The following RSRC1 variants were observed in gnomAD, a reference collection of about 807,000 sequenced individuals.
The protein encoded by RSRC1 is serine/Arginine-related protein 53.
Under a neutral mutation model 49.1 loss-of-function variants are expected in RSRC1, and 39 were observed. That is an observed-to-expected ratio of 0.79 (90% CI 0.61 to 1.04). The LOEUF is 1.04. Ranked by LOEUF, RSRC1 falls within the 50% of genes least tolerant of loss-of-function variation. RSRC1 has a pLI of 0.00. For synonymous variants in RSRC1, 143 were observed against 130.8 expected, an observed-to-expected ratio of 1.09 and a Z score of -0.63; for missense variants, 388 against 402.4, an observed-to-expected ratio of 0.96 and a Z score of 0.31.
At chr3:158,127,638 CTG>C (rs1368166303) in intron 3 of RSRC1, among the ~76,000 whole-genome samples, 1 of 151,448 alleles carries the variant, frequency 6.6e-6, no homozygotes, top group Non-Finnish European at 1.5e-5. Flanking sequence ...TTTAAGACAA[CTG>C]TTTTTATTTC....
rs1721773493 is a variant in RSRC1, at chr3:158,213,101, A to G, written c.494+9856A>G. On this transcript the variant is annotated intron_variant, in intron 4 of 9. Transcript: ENST00000611884. The stretch of plus-strand genomic sequence containing the variant: ...TTATCCTCCTTTGATTAAATGGCAA[A>G]GATTGAAGAAACAGATATCTCTATG... Among the ~76,000 whole-genome samples, 4 of 152,082 alleles carry G rather than the reference A, an allele frequency of 2.6e-5. No individual in the cohort carries two copies. In the South Asian group the frequency reaches 8.3e-4, roughly 32 times the overall value.
At chr3:158,329,270 T>C (rs1371212895) in intron 5 of RSRC1, among the ~76,000 whole-genome samples, 1 of 152,266 alleles carries the variant, frequency 6.6e-6, no homozygotes, top group Non-Finnish European at 1.5e-5. Context: ...CTTTGTTCCA[T>C]TACTTGCGAG....
chr3:158,288,387 G>T (rs2108095974), intron 4 of RSRC1, among the ~76,000 whole-genome samples: 1 of 152,320 alleles, frequency 6.6e-6, no homozygotes, highest in Admixed American at 6.5e-5. Context: ...GGGTGACGGT[G>T]AATAGCTTGC....
chr3:158,245,272 G>A (rs188318023), intron 4 of RSRC1, among the ~76,000 whole-genome samples: 111 of 151,862 alleles, frequency 7.3e-4, no homozygotes, highest in Middle Eastern at 3.4e-3. Flanking sequence ...CCTTAATTTC[G>A]TTATGTACTC....
chr3:158,424,464 T>C (rs1224941072), intron 6 of RSRC1, among the ~76,000 whole-genome samples: 5 of 151,346 alleles, frequency 3.3e-5, no homozygotes, highest in Admixed American at 6.6e-5. Context: ...TTTGATGTGC[T>C]GCTGGATTCG....
At chr3:158,411,804 G>GT (rs1734478969) in intron 6 of RSRC1, among the ~76,000 whole-genome samples, 1 of 151,950 alleles carries the variant, frequency 6.6e-6, no homozygotes, top group Non-Finnish European at 1.5e-5. Context: ...TTTAGTGTTT[G>GT]TTTGTTTCTT....
intron 6 of RSRC1, among the ~76,000 whole-genome samples, chr3:158,459,415 C>T (rs1737505812): frequency 6.6e-6 from 1 of 152,012 alleles, no homozygotes; most frequent in African/African-American, 2.4e-5. Context: ...TTGAAATCCA[C>T]CTGATGTTTG....
chr3:158,128,732 G>A (rs1334318489), intron 3 of RSRC1, among the ~76,000 whole-genome samples: 1 of 151,988 alleles, frequency 6.6e-6, no homozygotes, highest in Non-Finnish European at 1.5e-5. Context: ...ATTCTATATT[G>A]CATTTAGTTG....
chr3:158,533,661 A>G (rs1712544505), intron 7 of RSRC1, among the ~76,000 whole-genome samples: 1 of 151,658 alleles, frequency 6.6e-6, no homozygotes, highest in African/African-American at 2.4e-5. Flanking sequence ...CATTTCATTC[A>G]TATGAGACAT....
intron 7 of RSRC1, among the ~76,000 whole-genome samples, chr3:158,515,159 T>G (rs1003027439): frequency 6.6e-6 from 1 of 151,642 alleles, no homozygotes. Flanking sequence ...ATCCTGTCAT[T>G]ATGATGTTAG....
In RSRC1 at chr3:158,498,900, G is replaced by A. The variant is rs144083143; in HGVS notation, c.652+37897G>A. Among the ~76,000 whole-genome samples, 286 of 152,204 alleles carry A rather than the reference G, an allele frequency of 1.9e-3. 1 individual carries two copies. The highest frequency in any genetic ancestry group is 3.3e-3 in the African/African-American group (139 of 41,532). ...GCTGGAAGTATTTGGGTTTATTTCC[G>A]TGTTCTCTATTCTGTTCCATTAGTC... On this transcript the variant is annotated intron_variant, in intron 7 of 9. Transcript: ENST00000611884.
chr3:158,122,532 T>A (rs186874174), intron 2 of RSRC1, among the ~76,000 whole-genome samples: 1 of 151,964 alleles, frequency 6.6e-6, no homozygotes, highest in Non-Finnish European at 1.5e-5. Context: ...GTTTCCTTTT[T>A]TAATTTAATT....
intron 3 of RSRC1, among the ~76,000 whole-genome samples, chr3:158,127,569 AC>A (rs1715708606): frequency 6.6e-6 from 1 of 150,906 alleles, no homozygotes; most frequent in African/African-American, 2.4e-5. Flanking sequence ...TTTTGTTTAT[AC>A]TTTGTTCTCT....
At chr3:158,497,406 A>C (rs909724207) in intron 7 of RSRC1, among the ~76,000 whole-genome samples, 297 of 93,808 alleles carry the variant, frequency 3.2e-3, no homozygotes, top group African/African-American at 3.8e-3. Context: ...CCCCCCTCCC[A>C]CTCTTCCCCC....
intron 5 of RSRC1, among the ~76,000 whole-genome samples, chr3:158,321,974 TACACACACACACACAC>T (rs71144456): frequency 6.7e-6 from 1 of 148,400 alleles, no homozygotes; most frequent in Non-Finnish European, 1.5e-5. Flanking sequence ...TTTTAACACC[TACACACACACACACAC>T]ACACACACAC....
chr3:158,526,697 A>G (rs1165598922), intron 7 of RSRC1, among the ~76,000 whole-genome samples: 2 of 152,034 alleles, frequency 1.3e-5, no homozygotes, highest in Admixed American at 6.6e-5. Context: ...AGAGAAATTA[A>G]GGCACATGGG....
At chr3:158,185,125 TC>T (rs1177181009) in intron 3 of RSRC1, among the ~76,000 whole-genome samples, 1 of 152,004 alleles carries the variant, frequency 6.6e-6, no homozygotes, top group Non-Finnish European at 1.5e-5. Flanking sequence ...CTTTTTAAAT[TC>T]CAAAAATAAG....
chr3:158,232,333 G>T (rs979119242), intron 4 of RSRC1, among the ~76,000 whole-genome samples: 1 of 151,868 alleles, frequency 6.6e-6, no homozygotes, highest in Non-Finnish European at 1.5e-5. Context: ...ACATTTTATC[G>T]TATCTAACAA....
intron 4 of RSRC1, among the ~76,000 whole-genome samples, chr3:158,221,375 G>A (rs532394830): frequency 6.6e-6 from 1 of 151,266 alleles, no homozygotes; most frequent in East Asian, 2.0e-4. Flanking sequence ...TTGAAAGATG[G>A]ATTTCTCATC....
Sources: gnomAD v4.1 joint callset for allele counts (sites outside exome capture counted in the v4.1 genomes callset) on GRCh38, gnomAD v4.1.1 for gene constraint, MANE v1.5 for transcripts, NCBI Gene and HGNC (gene_info 2026-07-23, HGNC 2026-07-21) for gene names.